Variants in RIPK4 observed in about 807,000 individuals in gnomAD.
RIPK4 encodes the protein receptor-interacting serine/threonine-protein kinase 4.
A neutral mutation model predicts 42.9 loss-of-function variants in RIPK4; 17 were observed. That is an observed-to-expected ratio of 0.40 (90% CI 0.27 to 0.59). The LOEUF (loss-of-function observed/expected upper bound fraction) is 0.59, where lower values mean the gene tolerates loss of function less well. Among genes scored for constraint, RIPK4 ranks in the 20% least tolerant of loss-of-function variants. RIPK4 has a pLI of 0.47. For synonymous variants in RIPK4, 498 were observed against 499.1 expected, an observed-to-expected ratio of 1.00 and a Z score of 0.03; for missense variants, 897 against 1,104.4, an observed-to-expected ratio of 0.81 and a Z score of 2.66.
At chr21:41,766,678 G>A (rs2061237988) in intron 1 of RIPK4, among the ~76,000 whole-genome samples, 182 bp downstream of exon 1, 1 of 152,078 alleles carries the variant, frequency 6.6e-6, no homozygotes, top group African/African-American at 2.4e-5. Context: ...GCGCCCCTCC[G>A]GCCCGGACAG....
At chr21:41,766,511 G>A (rs776434721) in intron 1 of RIPK4, among the ~76,000 whole-genome samples, 1 of 152,152 alleles carries the variant, frequency 6.6e-6, no homozygotes, top group Non-Finnish European at 1.5e-5. Context: ...TGGAGACCCC[G>A]AAAACCAGGG....
At chr21:41,762,455 C>G (rs4538292) in intron 1 of RIPK4, among the ~76,000 whole-genome samples, 7 of 152,352 alleles carry the variant, frequency 4.6e-5, no homozygotes, top group Admixed American at 2.0e-4. Context: ...TCCAGCCCCT[C>G]TCCAGGTGCT....
At chr21:41,753,007 A>G (rs1053376421) in intron 2 of RIPK4, among the ~76,000 whole-genome samples, 6 of 152,196 alleles carry the variant, frequency 3.9e-5, no homozygotes, top group African/African-American at 1.4e-4. Flanking sequence ...ATAAAAAATA[A>G]TAATAAAAAT....
At position 41,745,754 on chromosome 21, in the gene RIPK4, G is replaced by A. The variant is rs763732233; in HGVS notation, c.936+5C>T. ...CAAAAGACCCCTGTGGGAAGGACTC[G>A]TTACCTCGCTCCTGGGCTCCGGGGG... On this transcript the variant is annotated splice_donor_5th_base_variant and intron_variant, in intron 6 of 7. Transcript: ENST00000332512. The A allele has an allele frequency of 6.8e-6, 11 of 1,611,954 alleles. No homozygotes were observed. The African/African-American group carries it at 1.1e-4, about 16-fold the overall frequency.
intron 6 of RIPK4, 41 bp from the exon 7 acceptor site, chr21:41,744,181 A>G (rs775013620): frequency 3.3e-6 from 5 of 1,520,282 alleles, no homozygotes; most frequent in Non-Finnish European, 4.4e-6. Context: ...AGACCCTGCC[A>G]TAGACCGCAT....
In RIPK4 at chr21:41,741,945, G is replaced by C. The variant is rs563489884; in HGVS notation, c.1248C>G (p.Ser416=). 5 of 1,609,322 alleles carry C rather than the reference G, an allele frequency of 3.1e-6. No homozygotes were observed. The Admixed American group carries it at 6.7e-5, about 22-fold the overall frequency. Reference sequence around the variant, plus strand: ...TCTTCATCAGTTTGCTGGTGTCCCCGGACACGATGGCATCCACAAGCTTCT... The same window carrying C: ...TCTTCATCAGTTTGCTGGTGTCCCCCGACACGATGGCATCCACAAGCTTCT... ...QKKKLVDAIV[S]GDTSKLMKIL... Residue 416 remains serine, a synonymous_variant, in exon 8 of 8, where the codon TCC becomes TCG. Transcript: ENST00000332512.
chr21:41,741,537 G>C lies in RIPK4; in HGVS notation c.1656C>G (p.Ile552Met). The C allele has an allele frequency of 1.9e-6, 3 of 1,612,338 alleles. No individual in the cohort carries two copies. The highest frequency in any genetic ancestry group is 2.5e-6 in the Non-Finnish European group (3 of 1,180,008). The change falls in exon 8 of 8, where the codon ATC becomes ATG. Residue 552 changes from isoleucine (I) to methionine (M), a missense_variant. Physicochemically the swap from Ile to Met is conservative, Grantham distance 10. Transcript: ENST00000332512. ...HVACQHGQEN[I>M]VRILLRRGVD... ...CGCCTCGGCGCAGCAGGATGCGCAC[G>C]ATATTCTCCTGCCCGTGCTGGCAGG...
At chr21:41,745,650 G>A in intron 6 of RIPK4, 109 bp downstream of exon 6, 1 of 779,774 alleles carries the variant, frequency 1.3e-6, no homozygotes, top group Non-Finnish European at 2.2e-6. Context: ...GGGCTCAGAA[G>A]AGAGGGAGAG....
rs776226888 is a variant in RIPK4 at position 41,741,964 on chromosome 21, A to G, written c.1229T>C (p.Leu410Pro). 1 of 1,605,194 alleles carries G rather than the reference A, an allele frequency of 6.2e-7. No homozygotes were observed. The highest frequency in any genetic ancestry group is 8.5e-7 in the Non-Finnish European group (1 of 1,174,308). Residue 410 changes from leucine (L) to proline (P), a missense_variant, in exon 8 of 8, where the codon CTT becomes CCT. Coordinates refer to ENST00000332512, the MANE Select transcript of RIPK4 (RefSeq NM_020639.3). The stretch of plus-strand genomic sequence containing the variant: ...GTCCCCGGACACGATGGCATCCACA[A>G]GCTTCTTCTTCTGGACGTCTGTGGT... The part of the protein sequence containing the change: ...LGTTDVQKKK[L>P]VDAIVSGDTS...
At chr21:41,761,057 C>T (rs973693330) in intron 1 of RIPK4, among the ~76,000 whole-genome samples, 4 of 152,328 alleles carry the variant, frequency 2.6e-5, no homozygotes, top group Admixed American at 1.3e-4. Context: ...AATCCCTCTC[C>T]CTGCAGCCAC....
Position 41,751,031 on chromosome 21 carries a change from G to A in RIPK4, c.623+66C>T, listed in dbSNP as rs1414982354. 7 of 1,564,434 alleles carry A rather than the reference G, an allele frequency of 4.5e-6. No homozygotes were observed. Among genetic ancestry groups the A allele is most frequent in the Admixed American group, 3.6e-5 (2 of 56,146 alleles). On this transcript the variant is annotated intron_variant, in intron 3 of 7. Coordinates refer to ENST00000332512, the MANE Select transcript of RIPK4 (RefSeq NM_020639.3). The surrounding 1 kb of genome is among the most constrained non-coding windows in gnomAD (Gnocchi z 4.5). ...GGCCTTTCTGAAAGCTGCAGCTCAG[G>A]GCATGAAGCATTGAGGTTGAGAGCC...
rs760641174 is a variant in RIPK4 at position 41,746,636 on chromosome 21, G to A, written c.809C>T (p.Pro270Leu). ...RLMQRCWQGD[P>L]RVRPTFQEIT... ...ACCTTGGAAGGTGGGCCTAACTCGCGGATCCCCCTGCCAGCACCGCTGCAT... is the reference window on the plus strand; with the variant it reads ...ACCTTGGAAGGTGGGCCTAACTCGCAGATCCCCCTGCCAGCACCGCTGCAT... The change falls in exon 5 of 8, where the codon CCG becomes CTG. Residue 270 changes from proline (P) to leucine (L), a missense_variant. Coordinates refer to ENST00000332512, the MANE Select transcript of RIPK4 (RefSeq NM_020639.3). The A allele has an allele frequency of 1.9e-5, 30 of 1,610,294 alleles. No individual in the cohort carries two copies. Among genetic ancestry groups the A allele is most frequent in the South Asian group, 8.8e-5 (8 of 91,072 alleles).
rs544838978 is a variant in RIPK4 at position 41,749,560 on chromosome 21, C to T, written c.624-357G>A. Among the ~76,000 whole-genome samples the T allele has an allele frequency of 7.6e-4, 115 of 152,278 alleles. 1 individual carries two copies. Among genetic ancestry groups the T allele is most frequent in the African/African-American group, 2.7e-3 (111 of 41,550 alleles). On this transcript the variant is annotated intron_variant, in intron 3 of 7. Coordinates refer to ENST00000332512, the MANE Select transcript of RIPK4 (RefSeq NM_020639.3). Reference sequence around the variant, plus strand: ...GCAAGCACCAGGCACAGAGCACCTGCGCAGGCATTTACTGAAGAAATGGAT... The same window carrying T: ...GCAAGCACCAGGCACAGAGCACCTGTGCAGGCATTTACTGAAGAAATGGAT...
chr21:41,740,765 C>T lies in RIPK4; in HGVS notation c.*73G>A, dbSNP rs188084540. 494 of 1,440,410 alleles carry T rather than the reference C, an allele frequency of 3.4e-4. 5 individuals are homozygous for T. The African/African-American group carries it at 6.4e-3, about 19-fold the overall frequency. 89.2% of individuals were successfully genotyped at this position (1,440,410 alleles called of 1,614,324 possible). On this transcript the variant is annotated 3_prime_UTR_variant, in exon 8 of 8. Coordinates refer to ENST00000332512, the MANE Select transcript of RIPK4 (RefSeq NM_020639.3). ...GCCACAACAGGGCCCCACGCAGGAT[C>T]GTTCCATCCCCACGAGGAACACAGG...
At position 41,741,098 on chromosome 21, in the gene RIPK4, G is replaced by A. The variant is rs759834319; in HGVS notation, c.2095C>T (p.Arg699Trp). The change falls in exon 8 of 8, where the codon CGG becomes TGG. Residue 699 changes from arginine (R) to tryptophan (W), a missense_variant. By Grantham distance (101) the Arg-to-Trp change is moderately radical. Coordinates refer to ENST00000332512, the MANE Select transcript of RIPK4 (RefSeq NM_020639.3). ...AGCGCCGTCTGGTTCAGGGGTCCCC[G>A]GGCCAGCACATCGGCCTTCTCCTCG... ...LVEEKADVLA[R>W]GPLNQTALHL... 1.4e-5 allele frequency: 22 copies of A among 1,612,058 alleles called. No homozygotes were observed. The highest frequency in any genetic ancestry group is 2.7e-5 in the African/African-American group (2 of 74,842).
At chr21:41,749,109 C>G (rs2061180388) in intron 4 of RIPK4, 45 bp downstream of exon 4, 1 of 1,602,820 alleles carries the variant, frequency 6.2e-7, no homozygotes, top group South Asian at 1.1e-5. Context: ...CCCCATTATT[C>G]CAGGAAAGAC....
chr21:41,755,758 C>T lies in RIPK4; in HGVS notation c.474+767G>A, dbSNP rs139499120. On this transcript the variant is annotated intron_variant, in intron 2 of 7. Coordinates refer to ENST00000332512, the MANE Select transcript of RIPK4 (RefSeq NM_020639.3). This position sits in a 1 kb window ranked among gnomAD's most constrained non-coding sequence, Gnocchi z 4.2. The stretch of plus-strand genomic sequence containing the variant: ...ATCACCACGTGGGGAAAAACTACAA[C>T]GCGCCAGGTGTAACCACCACATGTC... Among the ~76,000 whole-genome samples, 31 of 152,332 alleles carry T rather than the reference C, an allele frequency of 2.0e-4. No individual in the cohort carries two copies. The highest frequency in any genetic ancestry group is 5.8e-4 in the East Asian group (3 of 5,186).
At chr21:41,765,648 C>A (rs2061233928) in intron 1 of RIPK4, among the ~76,000 whole-genome samples, 1 of 152,202 alleles carries the variant, frequency 6.6e-6, no homozygotes, top group Non-Finnish European at 1.5e-5. Context: ...CTTAGCGGCC[C>A]CATCACTCAA....
intron 1 of RIPK4, among the ~76,000 whole-genome samples, chr21:41,761,865 C>CA (rs2061221320): frequency 6.6e-6 from 1 of 152,194 alleles, no homozygotes. Flanking sequence ...AGAGTGAGCT[C>CA]ATTGGCGACT....
Sources: allele counts gnomAD v4.1 joint callset (sites outside exome capture counted in the v4.1 genomes callset), GRCh38; gene constraint gnomAD v4.1.1; non-coding constraint Gnocchi (gnomAD v3.1); transcripts MANE v1.5; gene names NCBI Gene and HGNC (gene_info 2026-07-23, HGNC 2026-07-21).